CACNA2D1: variants seen among roughly 807,000 people sequenced by gnomAD.
CACNA2D1 encodes the protein voltage-dependent calcium channel subunit alpha-2/delta-1.
In CACNA2D1, 53 loss-of-function variants were observed where a neutral mutation model predicts 171.5. The ratio of observed to expected loss-of-function variants is 0.31; its 90% CI spans 0.25 to 0.39. The LOEUF is 0.39. Ranked by LOEUF, CACNA2D1 falls within the 10% of genes least tolerant of loss-of-function variation. The pLI is 1.00. For missense variants in CACNA2D1, 903 were observed against 1,299.8 expected (o/e 0.69, Z 4.69); for synonymous variants, 442 against 443.1 (o/e 1.00, Z 0.03).
At chr7:82,133,948 C>A (rs771159235) in intron 5 of CACNA2D1, among the ~76,000 whole-genome samples, 1 of 151,988 alleles carries the variant, frequency 6.6e-6, no homozygotes, top group Non-Finnish European at 1.5e-5. Context: ...TGGCGGGCGC[C>A]TGTAGTCCCA....
chr7:82,391,396 G>A (rs1449539765), intron 1 of CACNA2D1, among the ~76,000 whole-genome samples: 1 of 152,102 alleles, frequency 6.6e-6, no homozygotes, highest in Non-Finnish European at 1.5e-5. Context: ...TTCTCCCTCT[G>A]ATTCACCTGA....
At chr7:82,114,196 A>T (rs756263789) in intron 6 of CACNA2D1, among the ~76,000 whole-genome samples, 4 of 152,204 alleles carry the variant, frequency 2.6e-5, no homozygotes, top group Non-Finnish European at 5.9e-5. Context: ...ATTTTTAAAA[A>T]AATTTTTTAA....
rs148606945 is a variant in CACNA2D1 at position 81,973,982 on chromosome 7, G to C, written c.2053+473C>G. Among the ~76,000 whole-genome samples the C allele has an allele frequency of 2.9e-3, 438 of 151,972 alleles. 3 individuals are homozygous for C. Among genetic ancestry groups the C allele is most frequent in the African/African-American group, 7.7e-3 (320 of 41,498 alleles). ...TTTTTAAGACATAAAGTTAACTTGT[G>C]ATCAAAATAGAATGTCAGGAAGGAA... On this transcript the variant is annotated intron_variant, in intron 25 of 38. Coordinates refer to ENST00000356860, the MANE Select transcript of CACNA2D1 (RefSeq NM_000722.4).
rs1041645758 is a variant in CACNA2D1 at position 82,208,845 on chromosome 7, T to C, written c.295-38236A>G. 3.3e-5 allele frequency among the ~76,000 whole-genome samples: 5 copies of C among 152,184 alleles called. No individual in the cohort carries two copies. In the South Asian group the frequency reaches 1.0e-3, roughly 31 times the overall value. ...GAGAGTACATTTTGTGTTCTCACCA[T>C]AAATGAATGATATGTGAGGTAATAC... On this transcript the variant is annotated intron_variant, in intron 3 of 38. Coordinates refer to ENST00000356860, the MANE Select transcript of CACNA2D1 (RefSeq NM_000722.4).
At chr7:82,384,019 A>T (rs1824019397) in intron 1 of CACNA2D1, among the ~76,000 whole-genome samples, 1 of 152,246 alleles carries the variant, frequency 6.6e-6, no homozygotes, top group Non-Finnish European at 1.5e-5. Flanking sequence ...CACCATGTAA[A>T]GTCAAGAGGC....
intron 1 of CACNA2D1, among the ~76,000 whole-genome samples, chr7:82,416,396 G>C (rs949543793): frequency 2.0e-5 from 3 of 152,014 alleles, no homozygotes; most frequent in Admixed American, 1.3e-4. Flanking sequence ...CGTTTGCTCA[G>C]GCTACCATAA....
chr7:82,269,587 G>T (rs753301576), intron 3 of CACNA2D1, among the ~76,000 whole-genome samples: 1 of 152,104 alleles, frequency 6.6e-6, no homozygotes, highest in Non-Finnish European at 1.5e-5. Context: ...GCATCTACAA[G>T]AATTACTTGT....
intron 6 of CACNA2D1, among the ~76,000 whole-genome samples, chr7:82,100,461 A>G (rs544755665): frequency 2.0e-5 from 3 of 152,304 alleles, no homozygotes; most frequent in African/African-American, 7.2e-5. Context: ...CATTAAGATG[A>G]AAACTTTCCT....
At chr7:82,004,885 T>G (rs1798971283) in intron 18 of CACNA2D1, among the ~76,000 whole-genome samples, 1 of 152,122 alleles carries the variant, frequency 6.6e-6, no homozygotes, top group African/African-American at 2.4e-5. Context: ...CTCTTTCAGA[T>G]TAACTTGCTG....
At chr7:82,299,189 A>G (rs763365286) in intron 3 of CACNA2D1, among the ~76,000 whole-genome samples, 8 of 152,160 alleles carry the variant, frequency 5.3e-5, no homozygotes, top group Non-Finnish European at 7.3e-5. Context: ...CATACTATGT[A>G]CAAAATGAAA....
chr7:81,948,301 T>C lies in CACNA2D1; in HGVS notation c.*2091A>G, dbSNP rs574838009. The C allele has an allele frequency of 1.4e-4, 21 of 151,882 alleles. No homozygotes were observed. Among genetic ancestry groups the C allele is most frequent in the Admixed American group, 6.6e-5 (1 of 15,228 alleles). 9.4% of individuals were successfully genotyped at this position (151,882 alleles called of 1,614,324 possible). The stretch of plus-strand genomic sequence containing the variant: ...CATTGTTACTAGAGTGAGAAGTTTT[T>C]TTCCCCACATATATTTTAAATCACT... On this transcript the variant is annotated 3_prime_UTR_variant, in exon 39 of 39. Transcript: ENST00000356860.
chr7:82,093,042 T>C (rs1168243862), intron 6 of CACNA2D1, among the ~76,000 whole-genome samples: 1 of 152,130 alleles, frequency 6.6e-6, no homozygotes, highest in African/African-American at 2.4e-5. Context: ...ATTTTCTTTC[T>C]GGTGAGGCCT....
At chr7:82,065,709 A>G (rs550211105) in intron 8 of CACNA2D1, among the ~76,000 whole-genome samples, 2 of 152,306 alleles carry the variant, frequency 1.3e-5, no homozygotes, top group South Asian at 4.1e-4. Flanking sequence ...GGGATTTCAT[A>G]AATAAGTTTC....
chr7:81,975,671 G>A (rs1043209192), intron 24 of CACNA2D1, among the ~76,000 whole-genome samples: 18 of 151,998 alleles, frequency 1.2e-4, no homozygotes, highest in African/African-American at 3.4e-4. Flanking sequence ...TTAAGCATCC[G>A]TGATTTTGTA....
chr7:81,979,553 C>T (rs1244958963), intron 24 of CACNA2D1, among the ~76,000 whole-genome samples: 1 of 152,146 alleles, frequency 6.6e-6, no homozygotes, highest in Non-Finnish European at 1.5e-5. Flanking sequence ...ACAACACAGA[C>T]CTCAGATGGA....
chr7:82,107,758 A>G (rs913679935), intron 6 of CACNA2D1, among the ~76,000 whole-genome samples: 3 of 151,642 alleles, frequency 2.0e-5, no homozygotes, highest in Non-Finnish European at 4.4e-5. Context: ...TAAGTTTTGT[A>G]TTTTTAGTAG....
chr7:82,388,526 T>C (rs1196032207), intron 1 of CACNA2D1, among the ~76,000 whole-genome samples: 2 of 152,102 alleles, frequency 1.3e-5, no homozygotes, highest in Admixed American at 6.6e-5. Context: ...TTAGGGGACA[T>C]GAGAGTGGCA....
chr7:82,104,289 C>T (rs149615396), intron 6 of CACNA2D1, among the ~76,000 whole-genome samples: 20 of 152,078 alleles, frequency 1.3e-4, no homozygotes, highest in African/African-American at 4.8e-4. Context: ...TAGATGACAA[C>T]ATTCTCATTA....
At position 82,336,473 on chromosome 7, in the gene CACNA2D1, T is replaced by C. The variant is rs527765556; in HGVS notation, c.178-1222A>G. On this transcript the variant is annotated intron_variant, in intron 2 of 38. Transcript: ENST00000356860. Reference sequence around the variant, plus strand: ...AATTTTTGCTCCTAAAAGTGACTTATTCACACTATGAGATTTTACCATACT... The same window carrying C: ...AATTTTTGCTCCTAAAAGTGACTTACTCACACTATGAGATTTTACCATACT... Among the ~76,000 whole-genome samples, 168 of 152,346 alleles carry C rather than the reference T, an allele frequency of 1.1e-3. 1 individual carries two copies. In the South Asian group the frequency reaches 0.022, roughly 20 times the overall value.
Sources: gnomAD v4.1 joint callset for allele counts (sites outside exome capture counted in the v4.1 genomes callset) on GRCh38, gnomAD v4.1.1 for gene constraint, MANE v1.5 for transcripts, NCBI Gene and HGNC (gene_info 2026-07-23, HGNC 2026-07-21) for gene names.